POFUT2: variants seen among roughly 807,000 people sequenced by gnomAD.
POFUT2 encodes the protein GDP-fucose protein O-fucosyltransferase 2.
In POFUT2, 30 loss-of-function variants were observed where a neutral mutation model predicts 55.0. The observed-to-expected ratio is 0.55, with a 90% CI of 0.41 to 0.74. The LOEUF (loss-of-function observed/expected upper bound fraction) is 0.74. POFUT2 is among the 30% of genes least tolerant of loss of function. The probability of loss-of-function intolerance (pLI) is 0.00; values close to 1 mark genes in which losing one functional copy is unlikely to be tolerated. For synonymous variants in POFUT2, 267 were observed against 231.1 expected (o/e 1.16, Z -1.41); for missense variants, 524 against 562.6 (o/e 0.93, Z 0.69).
Position 45,287,840 on chromosome 21 carries a change from A to G in POFUT2, c.32T>C (p.Leu11Pro), listed in dbSNP as rs774696527. The part of the protein sequence containing the change: MATLSFVFLL[L>P]GAVSWPPASA... ...AGCCGGAGGCCAGGACACTGCCCCCAGCAGCAGGAAGACGAAGCTGAGTGT... is the reference window on the plus strand; with the variant it reads ...AGCCGGAGGCCAGGACACTGCCCCCGGCAGCAGGAAGACGAAGCTGAGTGT... The change falls in exon 1 of 9, where the codon CTG (leucine) becomes CCG (proline). Residue 11 changes from leucine to proline, a missense_variant. By Grantham distance (98) the Leu-to-Pro change is moderately conservative. This residue lies in a region of POFUT2 where 274 missense variants were observed against 244.4 expected (regional missense o/e 1.12). Transcript: ENST00000349485. 1.2e-5 allele frequency: 18 copies of G among 1,444,470 alleles called. No homozygotes were observed. The highest frequency in any genetic ancestry group is 1.6e-5 in the Non-Finnish European group (17 of 1,090,996). The allele number at this position is 1,444,470 out of a possible 1,614,324, so 89.5% of individuals were successfully genotyped here. A position where few individuals can be genotyped will look rare whatever the true frequency, so the allele number is the denominator to read the frequency against.
chr21:45,287,867 G>C lies in POFUT2; in HGVS notation c.5C>G (p.Ala2Gly). Residue 2 changes from alanine (A) to glycine (G), a missense_variant, in exon 1 of 9, where the codon GCG becomes GGG. By Grantham distance (60) the Ala-to-Gly change is moderately conservative. This residue lies in a region of POFUT2 where 274 missense variants were observed against 244.4 expected (regional missense o/e 1.12). Coordinates refer to ENST00000349485, the MANE Select transcript of POFUT2 (RefSeq NM_133635.6). M[A>G]TLSFVFLLLG... ...CAGCAGGAAGACGAAGCTGAGTGTC[G>C]CCATGGCCCCGGGCGGCCACGCACT... 1 of 1,373,460 alleles carries C rather than the reference G, an allele frequency of 7.3e-7. No homozygotes were observed. The allele number at this position is 1,373,460 out of a possible 1,614,324, so 85.1% of individuals were successfully genotyped here.
Position 45,282,299 on chromosome 21 carries a change from A to C in POFUT2, c.638+50T>G. On this transcript the variant is annotated intron_variant, in intron 4 of 8. Transcript: ENST00000349485. The surrounding 1 kb of genome is among the most constrained non-coding windows in gnomAD (Gnocchi z 4.6). The stretch of plus-strand genomic sequence containing the variant: ...AGAGCCCCCAGCCCAGCATGCACGG[A>C]GCAGACGCCACAGCCTCCAGGCTGC... 3 of 1,183,544 alleles carry C rather than the reference A, an allele frequency of 2.5e-6. No homozygotes were observed. The highest frequency in any genetic ancestry group is 3.8e-6 in the Non-Finnish European group (3 of 792,158). The allele number at this position is 1,183,544 out of a possible 1,614,324, so 73.3% of individuals were successfully genotyped here. A position where few individuals can be genotyped will look rare whatever the true frequency, so the allele number is the denominator to read the frequency against.
At position 45,265,874 on chromosome 21, in the gene POFUT2, C is replaced by CCA; in HGVS notation, c.1137-241_1137-240dup. 3.7e-6 allele frequency: 5 copies of CCA among 1,364,820 alleles called. No homozygotes were observed. Among genetic ancestry groups the CCA allele is most frequent in the Non-Finnish European group, 4.7e-6 (5 of 1,054,346 alleles). 84.5% of individuals were successfully genotyped at this position (1,364,820 alleles called of 1,614,324 possible). The stretch of plus-strand genomic sequence containing the variant: ...CTGGTGCTGCAGCCCCATCCACACC[C>CCA]CACAGTCAGCAGCCGCCACGCTCCT... On this transcript the variant is annotated intron_variant, in intron 8 of 8. Coordinates refer to ENST00000349485, the MANE Select transcript of POFUT2 (RefSeq NM_133635.6). This position sits in a 1 kb window ranked among gnomAD's most constrained non-coding sequence, Gnocchi z 4.6.
At chr21:45,280,050 GA>G (rs2030405728) in intron 4 of POFUT2, among the ~76,000 whole-genome samples, 1 of 152,206 alleles carries the variant, frequency 6.6e-6, no homozygotes, top group Non-Finnish European at 1.5e-5. Flanking sequence ...TGCACTTCAA[GA>G]CGCACATTCC....
Position 45,276,896 on chromosome 21 carries a change from C to T in POFUT2, c.831+121G>A, listed in dbSNP as rs937063615. The T allele has an allele frequency of 2.4e-5, 26 of 1,087,594 alleles. No homozygotes were observed. In the East Asian group the frequency reaches 3.9e-4, roughly 16 times the overall value. The allele number at this position is 1,087,594 out of a possible 1,614,324, so 67.4% of individuals were successfully genotyped here. ...TGTGACTCACATTCCAGAGAGGCGC[C>T]GAGGCATCCACGCCCACAGACACGC... On this transcript the variant is annotated intron_variant, in intron 6 of 8. Coordinates refer to ENST00000349485, the MANE Select transcript of POFUT2 (RefSeq NM_133635.6).
Position 45,287,824 on chromosome 21 carries a change from C to CCAGGA in POFUT2, c.43_47dup (p.Trp16CysfsTer57). The CCAGGA allele has an allele frequency of 2.0e-6, 3 of 1,497,736 alleles. No homozygotes were observed. Among genetic ancestry groups the CCAGGA allele is most frequent in the Non-Finnish European group, 2.7e-6 (3 of 1,119,414 alleles). The allele number at this position is 1,497,736 out of a possible 1,614,324, so 92.8% of individuals were successfully genotyped here. A position where few individuals can be genotyped will look rare whatever the true frequency, so the allele number is the denominator to read the frequency against. ...CCTGGCCGGAGGCAGAAGCCGGAGG[C>CCAGGA]CAGGACACTGCCCCCAGCAGCAGGA... On this transcript the variant is annotated frameshift_variant, in exon 1 of 9. Transcript: ENST00000349485. LOFTEE classifies it high-confidence loss of function.
chr21:45,268,826 T>TC, intron 7 of POFUT2, among the ~76,000 whole-genome samples: 1 of 109,648 alleles, frequency 9.1e-6, no homozygotes, highest in South Asian at 3.2e-4. Context: ...GGGTCAGCCC[T>TC]CCGCCCGGCC....
In POFUT2 at chr21:45,287,826, A is replaced by G; in HGVS notation, c.46T>C (p.Trp16Arg). 6.7e-7 allele frequency: 1 copy of G among 1,493,610 alleles called. No homozygotes were observed. Among genetic ancestry groups the G allele is most frequent in the South Asian group, 1.3e-5 (1 of 78,522 alleles). The allele number at this position is 1,493,610 out of a possible 1,614,324, so 92.5% of individuals were successfully genotyped here. A position where few individuals can be genotyped will look rare whatever the true frequency, so the allele number is the denominator to read the frequency against. ...TGGCCGGAGGCAGAAGCCGGAGGCCAGGACACTGCCCCCAGCAGCAGGAAG... is the reference window on the plus strand; with the variant it reads ...TGGCCGGAGGCAGAAGCCGGAGGCCGGGACACTGCCCCCAGCAGCAGGAAG... The part of the protein sequence containing the change: ...FVFLLLGAVS[W>R]PPASASGQEF... Residue 16 changes from tryptophan to arginine, a missense_variant, in exon 1 of 9, where the codon TGG becomes CGG. Trp to Arg is a moderately radical substitution (Grantham distance 101, BLOSUM62 -3). Around this residue, in one of 2 missense-constraint regions of POFUT2, gnomAD observed 274 missense variants for 244.4 expected, o/e 1.12. Transcript: ENST00000349485.
intron 7 of POFUT2, among the ~76,000 whole-genome samples, chr21:45,268,797 G>A (rs1273594886): frequency 1.1e-4 from 15 of 142,526 alleles, no homozygotes; most frequent in Middle Eastern, 3.7e-3. Context: ...CAGCCACCCC[G>A]TCCGGGAGGG....
At chr21:45,276,927 C>T (rs1025550499) in intron 6 of POFUT2, 90 bp downstream of exon 6, 19 of 1,430,648 alleles carry the variant, frequency 1.3e-5, no homozygotes, top group Middle Eastern at 3.6e-4. Context: ...CACGCCAACC[C>T]TGCTGTGACT....
intron 4 of POFUT2, among the ~76,000 whole-genome samples, chr21:45,280,574 C>T (rs1347726802): frequency 2.0e-5 from 3 of 152,304 alleles, no homozygotes; most frequent in South Asian, 2.1e-4. Flanking sequence ...GTTGGTTTCC[C>T]GAGCATGACA....
chr21:45,282,202 C>T lies in POFUT2; in HGVS notation c.638+147G>A. On this transcript the variant is annotated intron_variant, in intron 4 of 8. Transcript: ENST00000349485. This position sits in a 1 kb window ranked among gnomAD's most constrained non-coding sequence, Gnocchi z 4.6. ...AGACACATGCAAGCACTTCCCTAAC[C>T]ACCACCCCCCAGGGCCCCCAGGGTC... 1.6e-6 allele frequency: 1 copy of T among 627,684 alleles called. No homozygotes were observed. The highest frequency in any genetic ancestry group is 2.8e-6 in the Non-Finnish European group (1 of 356,102). 38.9% of individuals were successfully genotyped at this position (627,684 alleles called of 1,614,324 possible).
Position 45,277,438 on chromosome 21 carries a change from T to C in POFUT2, c.706-296A>G. On this transcript the variant is annotated intron_variant, in intron 5 of 8. Coordinates refer to ENST00000349485, the MANE Select transcript of POFUT2 (RefSeq NM_133635.6). The surrounding 1 kb of genome is among the most constrained non-coding windows in gnomAD (Gnocchi z 6.9). ...GGCCGTTGCCCCTGGCTGGCACAACTGTGTGCAGCTCCTTCCCCTCAGTCT... is the reference window on the plus strand; with the variant it reads ...GGCCGTTGCCCCTGGCTGGCACAACCGTGTGCAGCTCCTTCCCCTCAGTCT... The C allele has an allele frequency of 2.4e-6, 1 of 418,062 alleles. No homozygotes were observed. The highest frequency in any genetic ancestry group is 2.3e-5 in the South Asian group (1 of 43,626). 25.9% of individuals were successfully genotyped at this position (418,062 alleles called of 1,614,324 possible).
At chr21:45,279,249 G>T (rs545010829) in intron 4 of POFUT2, among the ~76,000 whole-genome samples, 2 of 152,008 alleles carry the variant, frequency 1.3e-5, no homozygotes, top group Non-Finnish European at 2.9e-5. Context: ...AAAATTAGCC[G>T]GGCGCGGTGG....
At chr21:45,283,175 G>A (rs1434408307) in intron 3 of POFUT2, among the ~76,000 whole-genome samples, 1 of 149,270 alleles carries the variant, frequency 6.7e-6, no homozygotes, top group Non-Finnish European at 1.5e-5. Flanking sequence ...GGCAGCGAGG[G>A]CACTGCGGGG....
At position 45,285,681 on chromosome 21, in the gene POFUT2, C is replaced by G; in HGVS notation, c.379G>C (p.Ala127Pro). The G allele has an allele frequency of 6.2e-7, 1 of 1,613,640 alleles. No individual in the cohort carries two copies. Among genetic ancestry groups the G allele is most frequent in the Non-Finnish European group, 8.5e-7 (1 of 1,180,016 alleles). The change falls in exon 2 of 9, where the codon GCA becomes CCA. Residue 127 changes from alanine to proline, a missense_variant. Around this residue, in one of 2 missense-constraint regions of POFUT2, gnomAD observed 274 missense variants for 244.4 expected, o/e 1.12. Transcript: ENST00000349485. The surrounding 1 kb of genome is among the most constrained non-coding windows in gnomAD (Gnocchi z 4.9). ...IPVIEYEQFI[A>P]ESGGPFIDQV... is the part of the protein sequence containing the mutation. Reference sequence around the variant, plus strand: ...CCAGCGTGCCGCTCGGCCTCACCTGCGATGAACTGCTCATACTCGATGACG... The same window carrying G: ...CCAGCGTGCCGCTCGGCCTCACCTGGGATGAACTGCTCATACTCGATGACG...
In POFUT2 at chr21:45,287,755, C is replaced by T; in HGVS notation, c.117G>A (p.Ala39=). ...CGCGCGTTTACCGTCTGCGGGAAGC[C>T]GCCCCCGACAGAATATCGGCCGCCG... The part of the protein sequence containing the change: ...GQSAADILSG[A]ASRRRYLLYD... Residue 39 remains alanine, a synonymous_variant, in exon 1 of 9, where the codon GCG becomes GCA. Coordinates refer to ENST00000349485, the MANE Select transcript of POFUT2 (RefSeq NM_133635.6). 6.7e-7 allele frequency: 1 copy of T among 1,483,496 alleles called. No homozygotes were observed. The highest frequency in any genetic ancestry group is 9.0e-7 in the Non-Finnish European group (1 of 1,110,634). 91.9% of individuals were successfully genotyped at this position (1,483,496 alleles called of 1,614,324 possible).
chr21:45,283,750 A>G (rs57453799), intron 2 of POFUT2, among the ~76,000 whole-genome samples: 10 of 152,116 alleles, frequency 6.6e-5, no homozygotes, highest in Non-Finnish European at 1.2e-4. Context: ...TGGAGCTGGT[A>G]CCCGATTCCC....
At chr21:45,286,861 G>A (rs1219722678) in intron 1 of POFUT2, among the ~76,000 whole-genome samples, 4 of 152,208 alleles carry the variant, frequency 2.6e-5, no homozygotes, top group African/African-American at 4.8e-5. Flanking sequence ...GCCCCTCCCG[G>A]GGTCCGCTTG....
Sources: allele counts gnomAD v4.1 joint callset (sites outside exome capture counted in the v4.1 genomes callset), GRCh38; gene constraint gnomAD v4.1.1; regional missense constraint gnomAD v4.1.1; non-coding constraint Gnocchi (gnomAD v3.1); transcripts MANE v1.5; gene names NCBI Gene and HGNC (gene_info 2026-07-23, HGNC 2026-07-21).